Variants in PHACTR4 observed in about 807,000 individuals in gnomAD.
PHACTR4 encodes the protein protein phosphatase 1, regulatory subunit 124.
Under a neutral mutation model 72.7 loss-of-function variants are expected in PHACTR4, and 51 were observed. The ratio of observed to expected loss-of-function variants is 0.70; its 90% CI spans 0.56 to 0.89. The LOEUF (loss-of-function observed/expected upper bound fraction) is 0.89, where lower values mean the gene tolerates loss of function less well. Ranked by LOEUF, PHACTR4 falls within the 40% of genes least tolerant of loss-of-function variation. The pLI, the probability that PHACTR4 is intolerant of heterozygous loss-of-function variation, is 0.00. For missense variants in PHACTR4, 731 were observed against 861.8 expected (o/e 0.85, Z 1.90); for synonymous variants, 255 against 302.5 (o/e 0.84, Z 1.63).
intron 2 of PHACTR4, among the ~76,000 whole-genome samples, chr1:28,449,747 G>A (rs1657799947): frequency 1.3e-5 from 2 of 151,988 alleles, no homozygotes; most frequent in Non-Finnish European, 2.9e-5. Context: ...AGCTACTTGG[G>A]AGGCTGAGAC....
chr1:28,392,096 C>G (rs1399201718), intron 1 of PHACTR4, among the ~76,000 whole-genome samples: 3 of 152,118 alleles, frequency 2.0e-5, no homozygotes, highest in African/African-American at 7.2e-5. Flanking sequence ...TACCCAAGAT[C>G]AGCCATGGTC....
rs558516788 is a variant in PHACTR4, at chr1:28,393,699, A to G, written c.-38-13711A>G. ...TCCTTCTACACACACACACACACAC[A>G]TATTTTTATTTTATTTTTATTTTTG... On this transcript the variant is annotated intron_variant, in intron 1 of 13. Coordinates refer to ENST00000373839, the MANE Select transcript of PHACTR4 (RefSeq NM_001048183.3). Among the ~76,000 whole-genome samples the G allele has an allele frequency of 1.3e-3, 196 of 151,954 alleles. 1 individual carries two copies. The highest frequency in any genetic ancestry group is 4.3e-3 in the African/African-American group (179 of 41,476).
At chr1:28,464,479 TGA>T (rs1445002973) in intron 4 of PHACTR4, among the ~76,000 whole-genome samples, 1 of 152,168 alleles carries the variant, frequency 6.6e-6, no homozygotes, top group Non-Finnish European at 1.5e-5. Flanking sequence ...CTAGGGAGTC[TGA>T]GAGAGGAGGA....
At chr1:28,377,428 T>C (rs1159291684) in intron 1 of PHACTR4, among the ~76,000 whole-genome samples, 1 of 149,098 alleles carries the variant, frequency 6.7e-6, no homozygotes, top group Non-Finnish European at 1.5e-5. Flanking sequence ...TTAGTAGAGA[T>C]GGGGTTTCAC....
intron 9 of PHACTR4, among the ~76,000 whole-genome samples, chr1:28,486,747 T>C (rs979921902): frequency 6.6e-6 from 1 of 151,862 alleles, no homozygotes; most frequent in African/African-American, 2.4e-5. Context: ...TAGTCTCAGC[T>C]ACTCAGGAGG....
chr1:28,387,974 C>T (rs538418721), intron 1 of PHACTR4, among the ~76,000 whole-genome samples: 33 of 151,928 alleles, frequency 2.2e-4, no homozygotes, highest in African/African-American at 7.5e-4. Context: ...GTGATCCACC[C>T]GCCTTGGCCT....
intron 1 of PHACTR4, among the ~76,000 whole-genome samples, chr1:28,383,019 C>T (rs1463220701): frequency 6.6e-6 from 1 of 152,052 alleles, no homozygotes; most frequent in Non-Finnish European, 1.5e-5. Flanking sequence ...TCTCGAACTC[C>T]TGACCTCAAG....
At chr1:28,378,890 C>T (rs768840427) in intron 1 of PHACTR4, among the ~76,000 whole-genome samples, 4 of 152,022 alleles carry the variant, frequency 2.6e-5, no homozygotes, top group Non-Finnish European at 5.9e-5. Flanking sequence ...GTAGTTGTTA[C>T]CAGTTGATTA....
intron 1 of PHACTR4, among the ~76,000 whole-genome samples, chr1:28,378,051 T>G (rs1166461884): frequency 6.8e-6 from 1 of 147,222 alleles, no homozygotes; most frequent in Non-Finnish European, 1.5e-5. Context: ...CAAAAAATTA[T>G]CCGGGCATGG....
intron 2 of PHACTR4, among the ~76,000 whole-genome samples, chr1:28,416,204 A>G (rs1392638741): frequency 2.0e-5 from 3 of 152,120 alleles, no homozygotes; most frequent in Non-Finnish European, 4.4e-5. Context: ...GCCAAAATTG[A>G]TGCTAGTTCC....
rs963710010 is a variant in PHACTR4 at position 28,498,104 on chromosome 1, C to T, written c.*1555C>T. 1.3e-5 allele frequency: 2 copies of T among 152,090 alleles called. No homozygotes were observed. Among genetic ancestry groups the T allele is most frequent in the Admixed American group, 1.3e-4 (2 of 15,268 alleles). 9.4% of individuals were successfully genotyped at this position (152,090 alleles called of 1,614,324 possible). A position where few individuals can be genotyped will look rare whatever the true frequency, so the allele number is the denominator to read the frequency against. On this transcript the variant is annotated 3_prime_UTR_variant, in exon 14 of 14. Transcript: ENST00000373839. ...TTACCAAATGATATTCTCTAAATCA[C>T]TTCGACCAATAAATGTATTCTCCTC...
intron 2 of PHACTR4, among the ~76,000 whole-genome samples, chr1:28,455,816 A>G (rs1315256823): frequency 6.6e-6 from 1 of 152,106 alleles, no homozygotes; most frequent in African/African-American, 2.4e-5. Context: ...GAATATGAGG[A>G]TATGAATATG....
rs143218443 is a variant in PHACTR4, at chr1:28,487,058, A to G, written c.1761-2112A>G. 7.2e-5 allele frequency among the ~76,000 whole-genome samples: 11 copies of G among 151,962 alleles called. 1 individual carries two copies. The East Asian group carries it at 2.1e-3, about 30-fold the overall frequency. ...AATAAATAAATACATACATACATAC[A>G]TACGTACTTTTTAAAAAATAAAATG... On this transcript the variant is annotated intron_variant, in intron 9 of 13. Coordinates refer to ENST00000373839, the MANE Select transcript of PHACTR4 (RefSeq NM_001048183.3).
At chr1:28,469,758 T>A (rs940069252) in intron 6 of PHACTR4, among the ~76,000 whole-genome samples, 1 of 152,138 alleles carries the variant, frequency 6.6e-6, no homozygotes, top group Non-Finnish European at 1.5e-5. Context: ...AAGCCTTTTT[T>A]AAAATTTATT....
At chr1:28,422,410 A>G (rs970702740) in intron 2 of PHACTR4, 1 of 152,256 alleles carries the variant, frequency 6.6e-6, no homozygotes, top group African/African-American at 2.4e-5. Flanking sequence ...GAGGATGTGT[A>G]TAGGTTATAT....
intron 2 of PHACTR4, among the ~76,000 whole-genome samples, chr1:28,448,278 G>A (rs959216901): frequency 1.2e-4 from 19 of 152,014 alleles, no homozygotes; most frequent in Non-Finnish European, 2.4e-4. Context: ...CACTTTGGGA[G>A]GTCGAAGCGG....
chr1:28,403,203 G>A (rs937166123), intron 1 of PHACTR4, among the ~76,000 whole-genome samples: 3 of 152,178 alleles, frequency 2.0e-5, no homozygotes, highest in Non-Finnish European at 1.5e-5. Flanking sequence ...TAGAAGGGAG[G>A]GGACAGGAGC....
intron 2 of PHACTR4, among the ~76,000 whole-genome samples, chr1:28,429,555 G>A (rs1012596939): frequency 2.6e-5 from 4 of 152,174 alleles, no homozygotes; most frequent in African/African-American, 4.8e-5. Context: ...TACCTTGGAT[G>A]AATATAGTGG....
At chr1:28,388,807 G>GCA (rs1652779099) in intron 1 of PHACTR4, among the ~76,000 whole-genome samples, 1 of 152,036 alleles carries the variant, frequency 6.6e-6, no homozygotes, top group African/African-American at 2.4e-5. Flanking sequence ...CTGAGATCAT[G>GCA]CCATTGTACT....
Sources: allele counts gnomAD v4.1 joint callset (sites outside exome capture counted in the v4.1 genomes callset), GRCh38; gene constraint gnomAD v4.1.1; transcripts MANE v1.5; gene names NCBI Gene and HGNC (gene_info 2026-07-23, HGNC 2026-07-21).